MAD1L1: variants seen among roughly 807,000 people sequenced by gnomAD.
The protein encoded by MAD1L1 is mitotic spindle assembly checkpoint protein MAD1.
Under a neutral mutation model 96.9 loss-of-function variants are expected in MAD1L1, and 95 were observed. The ratio of observed to expected loss-of-function variants is 0.98; its 90% CI spans 0.83 to 1.16. MAD1L1 has a LOEUF of 1.16. Ranked by LOEUF, MAD1L1 falls within the 50% of genes most tolerant of loss-of-function variation. The pLI is 0.00. For missense variants in MAD1L1, 1,007 were observed against 954.4 expected, an observed-to-expected ratio of 1.06 and a Z score of -0.73; for synonymous variants, 473 against 396.6, an observed-to-expected ratio of 1.19 and a Z score of -2.29.
At chr7:1,967,810 T>C (rs1295682012) in intron 15 of MAD1L1, among the ~76,000 whole-genome samples, 1 of 152,066 alleles carries the variant, frequency 6.6e-6, no homozygotes, top group Non-Finnish European at 1.5e-5. Context: ...ATGCACCGGA[T>C]CAGAACACAG....
intron 16 of MAD1L1, among the ~76,000 whole-genome samples, chr7:1,948,654 T>C (rs1163668571): frequency 6.6e-6 from 1 of 152,162 alleles, no homozygotes; most frequent in Non-Finnish European, 1.5e-5. Flanking sequence ...ACACCCCTGA[T>C]AACAGCCTCT....
chr7:1,892,636 C>A (rs1303130158), intron 18 of MAD1L1, among the ~76,000 whole-genome samples: 4 of 152,140 alleles, frequency 2.6e-5, no homozygotes, highest in Non-Finnish European at 4.4e-5. Context: ...GTTTTCGAAT[C>A]GGGGAGGCTG....
chr7:2,220,217 C>G (rs776744291), intron 5 of MAD1L1, among the ~76,000 whole-genome samples: 1 of 152,178 alleles, frequency 6.6e-6, no homozygotes, highest in South Asian at 2.1e-4. Context: ...AACGGGAGCA[C>G]GCGGCACGGG....
At chr7:1,838,947 C>T (rs1336742611) in intron 18 of MAD1L1, 3 of 401,034 alleles carry the variant, frequency 7.5e-6, no homozygotes, top group South Asian at 5.6e-5. Flanking sequence ...CAAAGACACG[C>T]CGGGCTCTGG....
chr7:1,987,723 C>A (rs1186873999), intron 14 of MAD1L1, among the ~76,000 whole-genome samples: 1 of 152,226 alleles, frequency 6.6e-6, no homozygotes, highest in Non-Finnish European at 1.5e-5. Flanking sequence ...CTCCTGCGGG[C>A]TCGGCAGCCG....
chr7:1,824,553 G>A (rs1227435707), intron 18 of MAD1L1, among the ~76,000 whole-genome samples: 2 of 152,220 alleles, frequency 1.3e-5, no homozygotes, highest in South Asian at 2.1e-4. Flanking sequence ...AGCTGCTCCC[G>A]GCCTTGTCCC....
chr7:1,929,448 G>A (rs1487655274), intron 17 of MAD1L1, among the ~76,000 whole-genome samples: 1 of 152,174 alleles, frequency 6.6e-6, no homozygotes, highest in African/African-American at 2.4e-5. Context: ...GGGAGGCCGG[G>A]CTTTGGGGCT....
At chr7:2,059,233 G>GAA (rs1315976017) in intron 12 of MAD1L1, among the ~76,000 whole-genome samples, 1 of 119,218 alleles carries the variant, frequency 8.4e-6, no homozygotes, top group Non-Finnish European at 1.8e-5. Context: ...AGTGTGGCCA[G>GAA]GAGAGAAGCA....
rs912500610 is a variant in MAD1L1, at chr7:2,103,615, A to G, written c.1074-34277T>C. Reference sequence around the variant, plus strand: ...CTGGGAGCCCCTGCGAAGGCCTCTCAGGAGCCGGGCAGCACAGCCAGAACA... The same window carrying G: ...CTGGGAGCCCCTGCGAAGGCCTCTCGGGAGCCGGGCAGCACAGCCAGAACA... On this transcript the variant is annotated intron_variant, in intron 11 of 18. Coordinates refer to ENST00000265854, the MANE Select transcript of MAD1L1 (RefSeq NM_001013836.2). This position sits in a 1 kb window ranked among gnomAD's most constrained non-coding sequence, Gnocchi z 4.3. 6.6e-6 allele frequency among the ~76,000 whole-genome samples: 1 copy of G among 152,152 alleles called. No homozygotes were observed. The highest frequency in any genetic ancestry group is 1.5e-5 in the Non-Finnish European group (1 of 68,022).
intron 17 of MAD1L1, among the ~76,000 whole-genome samples, chr7:1,936,427 C>A (rs192705705): frequency 6.6e-6 from 1 of 152,328 alleles, no homozygotes; most frequent in Admixed American, 6.5e-5. Context: ...AGTTTAAGGG[C>A]CTGAAATTTC....
At chr7:1,873,365 CA>C (rs752023748) in intron 18 of MAD1L1, among the ~76,000 whole-genome samples, 1 of 151,252 alleles carries the variant, frequency 6.6e-6, no homozygotes, top group Non-Finnish European at 1.5e-5. Flanking sequence ...AGGGTGGGAG[CA>C]GGGGCAGGGC....
At chr7:1,986,395 C>T (rs559196258) in intron 14 of MAD1L1, among the ~76,000 whole-genome samples, 15 of 152,250 alleles carry the variant, frequency 9.9e-5, no homozygotes, top group African/African-American at 2.6e-4. Flanking sequence ...CAGGGACCCC[C>T]GTTCCAGCTG....
intron 16 of MAD1L1, among the ~76,000 whole-genome samples, chr7:1,943,592 G>T (rs1313647599): frequency 6.6e-6 from 1 of 152,122 alleles, no homozygotes; most frequent in Non-Finnish European, 1.5e-5. Flanking sequence ...CCCCCAGGAC[G>T]GCTGGGAAGT....
At chr7:2,130,501 A>T (rs1788462319) in intron 11 of MAD1L1, among the ~76,000 whole-genome samples, 1 of 152,138 alleles carries the variant, frequency 6.6e-6, no homozygotes, top group African/African-American at 2.4e-5. Flanking sequence ...AGCTTCCCAC[A>T]TAGTCTTGGG....
chr7:1,873,020 C>T (rs1035426127), intron 18 of MAD1L1, among the ~76,000 whole-genome samples: 1 of 152,186 alleles, frequency 6.6e-6, no homozygotes, highest in South Asian at 2.1e-4. Flanking sequence ...AGGTGAGAAA[C>T]GGAGAGAAGA....
At chr7:1,838,650 G>A in intron 18 of MAD1L1, 1 of 420,708 alleles carries the variant, frequency 2.4e-6, no homozygotes, top group Non-Finnish European at 5.1e-6. Flanking sequence ...AACACAGACA[G>A]CGGCTGCCGA....
rs368631179 is a variant in MAD1L1 at position 1,936,837 on chromosome 7, C to A, written c.1657G>T (p.Ala553Ser). Residue 553 changes from alanine to serine, a missense_variant, in exon 17 of 19, where the codon GCC (alanine) becomes TCC (serine). Physicochemically the swap from Ala to Ser is moderately conservative, Grantham distance 99. Transcript: ENST00000265854. Reference protein sequence around the residue: ...LHMSLNPTSVARQRLREDHSQ... With the variant: ...LHMSLNPTSVSRQRLREDHSQ... ...TGGTCCTCGCGCAGGCGCTGCCTGG[C>A]CACACTGGTGGGGTTCAGGCTCATG... 53 of 1,606,038 alleles carry A rather than the reference C, an allele frequency of 3.3e-5. No homozygotes were observed. The highest frequency in any genetic ancestry group is 1.7e-4 in the Middle Eastern group (1 of 6,048).
chr7:1,958,398 G>A lies in MAD1L1; in HGVS notation c.1506-679C>T, dbSNP rs531492576. Among the ~76,000 whole-genome samples the A allele has an allele frequency of 1.2e-4, 18 of 152,216 alleles. No homozygotes were observed. The East Asian group carries it at 1.7e-3, about 15-fold the overall frequency. On this transcript the variant is annotated intron_variant, in intron 15 of 18. Transcript: ENST00000265854. ...TTTTGAATGGAAAACATATTCATGT[G>A]GTTTAAAAATAAAAAAAGTCTGTCA...
intron 17 of MAD1L1, among the ~76,000 whole-genome samples, chr7:1,923,086 T>C (rs1273778096): frequency 6.6e-6 from 1 of 152,232 alleles, no homozygotes; most frequent in Non-Finnish European, 1.5e-5. Flanking sequence ...GGCAAATTGG[T>C]GCTAAGTTTT....
Sources: allele counts gnomAD v4.1 joint callset (sites outside exome capture counted in the v4.1 genomes callset), GRCh38; gene constraint gnomAD v4.1.1; non-coding constraint Gnocchi (gnomAD v3.1); transcripts MANE v1.5; gene names NCBI Gene and HGNC (gene_info 2026-07-23, HGNC 2026-07-21).